The following ARL8B variants were observed in gnomAD, a reference collection of about 807,000 sequenced individuals.
ARL8B encodes ARF like GTPase 8B.
ARL8B carries 9 observed loss-of-function variants against 30.6 expected under a neutral mutation model. The ratio of observed to expected loss-of-function variants is 0.29; its 90% CI spans 0.18 to 0.51. The LOEUF is 0.51. Ranked by LOEUF, ARL8B falls within the 20% of genes least tolerant of loss-of-function variation. The pLI is 0.97. For missense variants in ARL8B, 130 were observed against 227.2 expected, an observed-to-expected ratio of 0.57 and a Z score of 2.75; for synonymous variants, 74 against 76.0, an observed-to-expected ratio of 0.97 and a Z score of 0.14.
chr3:5,172,711 C>A lies in ARL8B; in HGVS notation c.343C>A (p.Leu115Ile). 1 of 1,610,566 alleles carries A rather than the reference C, an allele frequency of 6.2e-7. No homozygotes were observed. The highest frequency in any genetic ancestry group is 1.1e-5 in the South Asian group (1 of 90,584). The change falls in exon 4 of 7, where the codon CTA becomes ATA. Residue 115 changes from leucine (L) to isoleucine (I), a missense_variant. Transcript: ENST00000256496. ...TTCCCGAAATGAGCTACATAATCTT[C>A]TAGATAAACCACAGTTACAAGGAAT... ...EASRNELHNLLDKPQLQGIPV... is the reference protein window; with the variant it reads ...EASRNELHNLIDKPQLQGIPV...
chr3:5,125,104 C>T (rs74985887), intron 1 of ARL8B, among the ~76,000 whole-genome samples: 12 of 152,106 alleles, frequency 7.9e-5, no homozygotes, highest in African/African-American at 2.7e-4. Context: ...CTGGCTCTGC[C>T]GCTTAGCAGC....
chr3:5,172,122 T>C, intron 2 of ARL8B, 28 bp from the exon 3 acceptor site: 4 of 1,580,360 alleles, frequency 2.5e-6, no homozygotes, highest in Non-Finnish European at 3.5e-6. Context: ...AATATCTTTA[T>C]TAAGAATTGC....
intron 1 of ARL8B, among the ~76,000 whole-genome samples, chr3:5,137,533 G>A (rs182353564): frequency 5.4e-4 from 81 of 151,272 alleles, no homozygotes; most frequent in African/African-American, 1.9e-3. Context: ...CTGCTTCCTG[G>A]GTTCAAGCAA....
chr3:5,122,882 T>A (rs1329367741), intron 1 of ARL8B, among the ~76,000 whole-genome samples: 1 of 152,238 alleles, frequency 6.6e-6, no homozygotes, highest in Non-Finnish European at 1.5e-5. Flanking sequence ...ACTCGTCACA[T>A]TTTTAAAGCG....
intron 1 of ARL8B, among the ~76,000 whole-genome samples, chr3:5,143,768 T>C (rs2054396220): frequency 6.6e-6 from 1 of 152,216 alleles, no homozygotes; most frequent in Non-Finnish European, 1.5e-5. Context: ...TCAGAAGTCC[T>C]TTTAACCTAA....
chr3:5,152,290 CCTT>C (rs761285851), intron 1 of ARL8B, among the ~76,000 whole-genome samples: 3 of 152,142 alleles, frequency 2.0e-5, no homozygotes, highest in African/African-American at 7.2e-5. Context: ...GGATGTTATA[CCTT>C]CTTCTTGGTG....
chr3:5,165,617 G>A (rs1458849916), intron 1 of ARL8B, among the ~76,000 whole-genome samples: 1 of 151,968 alleles, frequency 6.6e-6, no homozygotes, highest in Non-Finnish European at 1.5e-5. Context: ...ATTTCATTCT[G>A]TCTTCACAAA....
At chr3:5,169,178 A>G (rs536204842) in intron 1 of ARL8B, among the ~76,000 whole-genome samples, 1 of 152,296 alleles carries the variant, frequency 6.6e-6, no homozygotes, top group Non-Finnish European at 1.5e-5. Context: ...TGTAACCATC[A>G]CCACTGTCCA....
chr3:5,122,766 C>T (rs2054193373), intron 1 of ARL8B, among the ~76,000 whole-genome samples, 178 bp downstream of exon 1: 1 of 152,242 alleles, frequency 6.6e-6, no homozygotes, highest in African/African-American at 2.4e-5. Context: ...GTGTTGGCGG[C>T]GCGGGGAGTA....
chr3:5,141,513 CA>C (rs1692793530), intron 1 of ARL8B, among the ~76,000 whole-genome samples: 2 of 152,170 alleles, frequency 1.3e-5, no homozygotes, highest in African/African-American at 4.8e-5. Flanking sequence ...TACTACATCC[CA>C]CTGCTAAGAC....
intron 1 of ARL8B, among the ~76,000 whole-genome samples, chr3:5,132,689 CTGAA>C (rs575918695): frequency 1.3e-5 from 2 of 152,220 alleles, no homozygotes; most frequent in East Asian, 1.9e-4. Context: ...TCTTTAAATA[CTGAA>C]TGAATGAATG....
intron 1 of ARL8B, among the ~76,000 whole-genome samples, chr3:5,153,139 G>T (rs1015406433): frequency 1.1e-4 from 16 of 152,116 alleles, no homozygotes; most frequent in Non-Finnish European, 2.2e-4. Flanking sequence ...ACTTAATGTA[G>T]AATGTAGAAA....
At chr3:5,144,804 G>A (rs939145548) in intron 1 of ARL8B, among the ~76,000 whole-genome samples, 2 of 152,184 alleles carry the variant, frequency 1.3e-5, no homozygotes, top group Non-Finnish European at 2.9e-5. Context: ...TCTGCTGGAA[G>A]CTGGAGGCTT....
chr3:5,140,352 G>GGAAA (rs1441886844), intron 1 of ARL8B, among the ~76,000 whole-genome samples: 1 of 152,058 alleles, frequency 6.6e-6, no homozygotes, highest in African/African-American at 2.4e-5. Flanking sequence ...TGTGGTAAGG[G>GGAAA]GAAACCCCTT....
In ARL8B at chr3:5,150,463, A is replaced by AAAATAAATAAATAAATAAAT. The variant is rs4054853; in HGVS notation, c.124-20028_124-20009dup. ...TGGTGACAGAGCGAGAATCCATGTC[A>AAAATAAATAAATAAATAAAT]AAATAAATAAATAAATAAATAAATA... On this transcript the variant is annotated intron_variant, in intron 1 of 6. Coordinates refer to ENST00000256496, the MANE Select transcript of ARL8B (RefSeq NM_018184.3). Among the ~76,000 whole-genome samples the AAAATAAATAAATAAATAAAT allele has an allele frequency of 3.2e-3, 469 of 146,046 alleles. 2 individuals carry two copies. The highest frequency in any genetic ancestry group is 9.2e-3 in the African/African-American group (351 of 38,120).
chr3:5,145,741 T>A (rs563868794), intron 1 of ARL8B, among the ~76,000 whole-genome samples: 1 of 152,352 alleles, frequency 6.6e-6, no homozygotes, highest in East Asian at 1.9e-4. Flanking sequence ...CTTTGTCTTT[T>A]GAGCATATGA....
intron 1 of ARL8B, among the ~76,000 whole-genome samples, chr3:5,142,767 A>G (rs1249389305): frequency 6.6e-6 from 1 of 152,166 alleles, no homozygotes; most frequent in East Asian, 1.9e-4. Flanking sequence ...TTTGAGAACA[A>G]ATCACCCTAT....
At chr3:5,128,758 C>T (rs1441440309) in intron 1 of ARL8B, among the ~76,000 whole-genome samples, 1 of 152,128 alleles carries the variant, frequency 6.6e-6, no homozygotes, top group Non-Finnish European at 1.5e-5. Flanking sequence ...CCACTTATTT[C>T]TACCATCCAA....
chr3:5,178,922 A>G lies in ARL8B; in HGVS notation c.*209A>G, dbSNP rs2054753429. 2.4e-5 allele frequency: 21 copies of G among 864,980 alleles called. No homozygotes were observed. The highest frequency in any genetic ancestry group is 3.6e-5 in the Admixed American group (1 of 27,726). 53.6% of individuals were successfully genotyped at this position (864,980 alleles called of 1,614,324 possible). A position where few individuals can be genotyped will look rare whatever the true frequency, so the allele number is the denominator to read the frequency against. On this transcript the variant is annotated 3_prime_UTR_variant, in exon 7 of 7. Coordinates refer to ENST00000256496, the MANE Select transcript of ARL8B (RefSeq NM_018184.3). ...TTGTCATGATAAAGTCAGCACACACAAAAAGGCTTCTTACACATACCTGTC... is the reference window on the plus strand; with the variant it reads ...TTGTCATGATAAAGTCAGCACACACGAAAAGGCTTCTTACACATACCTGTC...
Sources: allele counts gnomAD v4.1 joint callset (sites outside exome capture counted in the v4.1 genomes callset), GRCh38; gene constraint gnomAD v4.1.1; transcripts MANE v1.5; gene names NCBI Gene and HGNC (gene_info 2026-07-23, HGNC 2026-07-21).